The following HNRNPR variants were observed in gnomAD, a reference collection of about 807,000 sequenced individuals.
HNRNPR encodes heterogeneous nuclear ribonucleoprotein R.
In HNRNPR, 4 loss-of-function variants were observed where a neutral mutation model predicts 70.3. The ratio of observed to expected loss-of-function variants is 0.06; its 90% CI spans 0.03 to 0.13. The LOEUF (loss-of-function observed/expected upper bound fraction) is 0.13, where lower values mean the gene tolerates loss of function less well. HNRNPR is among the 10% of genes least tolerant of loss of function. The pLI is 1.00. For synonymous variants in HNRNPR, 241 were observed against 267.6 expected, an observed-to-expected ratio of 0.90 and a Z score of 0.97; for missense variants, 423 against 788.5, an observed-to-expected ratio of 0.54 and a Z score of 5.55.
Position 23,318,633 on chromosome 1 carries a change from C to T in HNRNPR, c.867G>A (p.Arg289=). ...YHQPDDKKKN[R]GFCFLEYEDH... ...CCTCATATTCAAGGAAGCAGAACCC[C>T]CGATTCTTCTTTTTGTCATCGGGTT... is the stretch of plus-strand genomic sequence containing the variant. The change falls in exon 8 of 11, where the codon CGG becomes CGA. Residue 289 remains arginine (R), a synonymous_variant. Transcript: ENST00000302271. The surrounding 1 kb of genome is among the most constrained non-coding windows in gnomAD (Gnocchi z 4.2). 1 of 1,614,164 alleles carries T rather than the reference C, an allele frequency of 6.2e-7. No individual in the cohort carries two copies. The highest frequency in any genetic ancestry group is 8.5e-7 in the Non-Finnish European group (1 of 1,180,028).
chr1:23,329,680 G>C (rs1646138350), intron 5 of HNRNPR, among the ~76,000 whole-genome samples: 1 of 152,198 alleles, frequency 6.6e-6, no homozygotes, highest in Non-Finnish European at 1.5e-5. Flanking sequence ...CACCCAGGCT[G>C]GAATACAGTG....
intron 4 of HNRNPR, among the ~76,000 whole-genome samples, chr1:23,336,571 C>CAAAAA (rs869203047): frequency 4.9e-5 from 2 of 41,182 alleles, no homozygotes; most frequent in African/African-American, 9.3e-5. Context: ...GACTCCGTCT[C>CAAAAA]AAAAAAAAAA....
intron 5 of HNRNPR, among the ~76,000 whole-genome samples, chr1:23,331,834 T>TAAAAAAAAAAAAAAAAAAAAA (rs59006948): frequency 3.4e-5 from 2 of 59,242 alleles, no homozygotes; most frequent in East Asian, 8.1e-4. Flanking sequence ...ACTGTTTCTT[T>TAAAAAAAAAAAAAAAAAAAAA]AAAAAAAAAA....
At chr1:23,330,605 ATAC>A (rs1302955525) in intron 5 of HNRNPR, among the ~76,000 whole-genome samples, 5 of 152,208 alleles carry the variant, frequency 3.3e-5, no homozygotes, top group African/African-American at 1.2e-4. Flanking sequence ...GAATACAAAA[ATAC>A]TACAACTAGA....
intron 4 of HNRNPR, among the ~76,000 whole-genome samples, chr1:23,336,360 T>C (rs1646484143): frequency 6.6e-6 from 1 of 150,560 alleles, no homozygotes; most frequent in Non-Finnish European, 1.5e-5. Flanking sequence ...GGTCAGGAGA[T>C]TGAGACCATC....
chr1:23,315,688 A>T (rs1361470982), intron 8 of HNRNPR, among the ~76,000 whole-genome samples: 1 of 152,232 alleles, frequency 6.6e-6, no homozygotes, highest in Non-Finnish European at 1.5e-5. Flanking sequence ...TTTTCTATAT[A>T]ACTTTTGAAC....
At chr1:23,319,528 C>CCTG (rs2148360903) in intron 7 of HNRNPR, among the ~76,000 whole-genome samples, 1 of 152,288 alleles carries the variant, frequency 6.6e-6, no homozygotes, top group South Asian at 2.1e-4. Flanking sequence ...CTAGTCTAAT[C>CCTG]CTGTATCTGT....
intron 5 of HNRNPR, among the ~76,000 whole-genome samples, chr1:23,328,172 G>A (rs1405212682): frequency 1.3e-5 from 2 of 152,152 alleles, no homozygotes; most frequent in African/African-American, 4.8e-5. Context: ...AACAGAGAAC[G>A]GGGCCAGAGT....
intron 8 of HNRNPR, among the ~76,000 whole-genome samples, chr1:23,315,728 AAACT>A (rs1645516866): frequency 6.6e-6 from 1 of 152,208 alleles, no homozygotes; most frequent in Non-Finnish European, 1.5e-5. Flanking sequence ...TCCAAATAAA[AAACT>A]AACATATTGA....
chr1:23,310,899 T>C lies in HNRNPR; in HGVS notation c.1457A>G (p.Tyr486Cys), dbSNP rs368866601. 20 of 1,614,018 alleles carry C rather than the reference T, an allele frequency of 1.2e-5. No homozygotes were observed. Among genetic ancestry groups the C allele is most frequent in the East Asian group, 4.5e-5 (2 of 44,882 alleles). ...ATCATAGCCGTAGTAGGGATCTTCA[T>C]AGCCTCCACGATAGTCGTGATAATC... is the stretch of plus-strand genomic sequence containing the variant. ...GYDYHDYRGG[Y>C]EDPYYGYDDG... Residue 486 changes from tyrosine (Y) to cysteine (C), a missense_variant, in exon 11 of 11, where the codon TAT (tyrosine) becomes TGT (cysteine). Tyr to Cys is a radical substitution (Grantham distance 194). Coordinates refer to ENST00000302271, the MANE Select transcript of HNRNPR (RefSeq NM_005826.5). This position sits in a 1 kb window ranked among gnomAD's most constrained non-coding sequence, Gnocchi z 6.0.
intron 5 of HNRNPR, among the ~76,000 whole-genome samples, chr1:23,332,714 AC>A (rs1315436516): frequency 1.3e-5 from 2 of 150,148 alleles, no homozygotes; most frequent in Non-Finnish European, 3.0e-5. Flanking sequence ...AAAAAAAAAA[AC>A]AAAACCAAAC....
At chr1:23,319,244 A>AT (rs765424575) in intron 7 of HNRNPR, among the ~76,000 whole-genome samples, 67 of 152,206 alleles carry the variant, frequency 4.4e-4, no homozygotes, top group Admixed American at 5.2e-4. Flanking sequence ...AAATACTTAG[A>AT]TTTTTTTCCT....
intron 5 of HNRNPR, among the ~76,000 whole-genome samples, chr1:23,324,719 A>T (rs191581552): frequency 6.6e-4 from 100 of 152,350 alleles, no homozygotes; most frequent in Non-Finnish European, 1.1e-3. Flanking sequence ...TGTGATCTTT[A>T]ATTACAAAAT....
chr1:23,337,666 A>AAAAAAAAAAAAG, intron 4 of HNRNPR, 88 bp downstream of exon 4: 1 of 870,144 alleles, frequency 1.1e-6, no homozygotes, highest in African/African-American at 1.8e-5. Context: ...AAAAAAAAAA[A>AAAAAAAAAAAAG]AGTGAAACTT....
chr1:23,338,960 T>C (rs559644173), intron 2 of HNRNPR, among the ~76,000 whole-genome samples: 20 of 152,364 alleles, frequency 1.3e-4, no homozygotes, highest in African/African-American at 4.8e-4. Context: ...CAACAAATTT[T>C]GGTTTATATT....
At chr1:23,334,402 A>G (rs931597902) in intron 4 of HNRNPR, among the ~76,000 whole-genome samples, 3 of 151,708 alleles carry the variant, frequency 2.0e-5, no homozygotes, top group Non-Finnish European at 4.4e-5. Flanking sequence ...ACGCCCGGCT[A>G]ATTTTTTGTA....
At chr1:23,337,557 T>C (rs1190360933) in intron 4 of HNRNPR, among the ~76,000 whole-genome samples, 197 bp downstream of exon 4, 1 of 151,596 alleles carries the variant, frequency 6.6e-6, no homozygotes, top group Non-Finnish European at 1.5e-5. Flanking sequence ...CTTGGGAGGC[T>C]GAGGCAGGAG....
intron 1 of HNRNPR, among the ~76,000 whole-genome samples, chr1:23,342,435 T>A (rs1353784595): frequency 6.6e-6 from 1 of 152,208 alleles, no homozygotes; most frequent in Non-Finnish European, 1.5e-5. Context: ...TCGATAGCCC[T>A]TAATAGACGC....
At chr1:23,343,902 G>A (rs1646806047) in intron 1 of HNRNPR, among the ~76,000 whole-genome samples, 1 of 152,166 alleles carries the variant, frequency 6.6e-6, no homozygotes, top group South Asian at 2.1e-4. Flanking sequence ...GCGGGATCCG[G>A]CCGCATGGAG....
Sources: gnomAD v4.1 joint callset for allele counts (sites outside exome capture counted in the v4.1 genomes callset) on GRCh38, gnomAD v4.1.1 for gene constraint, Gnocchi (gnomAD v3.1) non-coding constraint, MANE v1.5 for transcripts, NCBI Gene and HGNC (gene_info 2026-07-23, HGNC 2026-07-21) for gene names.